Variants in PAK5 observed in about 807,000 individuals in gnomAD.
PAK5 encodes p21 (RAC1) activated kinase 5.
A neutral mutation model predicts 65.9 loss-of-function variants in PAK5; 16 were observed. The ratio of observed to expected loss-of-function variants is 0.24; its 90% CI spans 0.16 to 0.37. The LOEUF (loss-of-function observed/expected upper bound fraction) is 0.37, where lower values mean the gene tolerates loss of function less well. PAK5 is among the 10% of genes least tolerant of loss of function. The probability of loss-of-function intolerance (pLI) is 1.00; values close to 1 mark genes in which losing one functional copy is unlikely to be tolerated. For missense variants in PAK5, 785 were observed against 903.9 expected (o/e 0.87, Z 1.69); for synonymous variants, 371 against 354.9 (o/e 1.05, Z -0.51).
chr20:9,571,899 A>T (rs1452765534), intron 4 of PAK5, among the ~76,000 whole-genome samples: 1 of 71,340 alleles, frequency 1.4e-5, no homozygotes, highest in Admixed American at 1.6e-4. Flanking sequence ...TGGTCTTAAC[A>T]GGGGCGGGCA....
At chr20:9,548,293 C>T (rs2045374713) in intron 7 of PAK5, among the ~76,000 whole-genome samples, 1 of 151,996 alleles carries the variant, frequency 6.6e-6, no homozygotes, top group African/African-American at 2.4e-5. Context: ...GCATATTCAA[C>T]TCTTAGGTAT....
chr20:9,691,260 G>T (rs539515122), intron 2 of PAK5, among the ~76,000 whole-genome samples: 1 of 152,148 alleles, frequency 6.6e-6, no homozygotes, highest in Non-Finnish European at 1.5e-5. Flanking sequence ...AACCCATAGA[G>T]TCCCAACAGA....
chr20:9,629,302 T>C (rs974239365), intron 3 of PAK5, among the ~76,000 whole-genome samples: 15 of 152,212 alleles, frequency 9.9e-5, no homozygotes, highest in Non-Finnish European at 2.1e-4. Flanking sequence ...AGAAAACTAG[T>C]ATAGCTTTTG....
intron 2 of PAK5, among the ~76,000 whole-genome samples, chr20:9,672,429 G>A (rs984982591): frequency 6.6e-6 from 1 of 150,770 alleles, no homozygotes; most frequent in African/African-American, 2.4e-5. Context: ...ATGGGAGGAA[G>A]CCTGTGGGAG....
chr20:9,810,034 T>G (rs2049280001), intron 1 of PAK5, among the ~76,000 whole-genome samples: 1 of 152,178 alleles, frequency 6.6e-6, no homozygotes. Context: ...GACTCATTCC[T>G]TTCATTTTAC....
At chr20:9,675,065 T>C (rs1429770105) in intron 2 of PAK5, among the ~76,000 whole-genome samples, 1 of 152,178 alleles carries the variant, frequency 6.6e-6, no homozygotes, top group South Asian at 2.1e-4. Flanking sequence ...GAACTCTGGC[T>C]CCTGAGGAAA....
chr20:9,836,388 C>T (rs371952479), intron 1 of PAK5, among the ~76,000 whole-genome samples: 206 of 152,066 alleles, frequency 1.4e-3, no homozygotes, highest in African/African-American at 4.7e-3. Flanking sequence ...GAATGATGTC[C>T]GTATAAGAAA....
chr20:9,636,541 C>T (rs974676227), intron 3 of PAK5, among the ~76,000 whole-genome samples: 6 of 152,086 alleles, frequency 3.9e-5, no homozygotes, highest in Non-Finnish European at 5.9e-5. Flanking sequence ...TAAGTCAGAG[C>T]CAGCTTTGTA....
chr20:9,745,819 T>C (rs1348082344), intron 1 of PAK5, among the ~76,000 whole-genome samples: 2 of 151,774 alleles, frequency 1.3e-5, no homozygotes, highest in Non-Finnish European at 2.9e-5. Context: ...CTAAATCCTC[T>C]AAATCTGAAA....
chr20:9,757,096 G>A (rs371079501), intron 1 of PAK5, among the ~76,000 whole-genome samples: 3 of 151,912 alleles, frequency 2.0e-5, no homozygotes, highest in East Asian at 1.9e-4. Flanking sequence ...ACTTTTCACC[G>A]AATTCTTTCC....
intron 2 of PAK5, among the ~76,000 whole-genome samples, chr20:9,694,248 G>C (rs1275291705): frequency 1.3e-5 from 2 of 151,824 alleles, no homozygotes; most frequent in African/African-American, 4.8e-5. Context: ...TAAAACGAAA[G>C]TCTATATTAT....
intron 2 of PAK5, among the ~76,000 whole-genome samples, chr20:9,663,816 G>T (rs2047377780): frequency 6.6e-6 from 1 of 152,070 alleles, no homozygotes; most frequent in Non-Finnish European, 1.5e-5. Context: ...GTGCTTAAAG[G>T]TATTGCTTTA....
chr20:9,659,049 T>C (rs945380451), intron 2 of PAK5, among the ~76,000 whole-genome samples: 2 of 152,204 alleles, frequency 1.3e-5, no homozygotes, highest in African/African-American at 4.8e-5. Context: ...TTTAGAAGTC[T>C]TTGCAACAGT....
At chr20:9,788,226 C>A (rs1251135485) in intron 1 of PAK5, among the ~76,000 whole-genome samples, 2 of 151,954 alleles carry the variant, frequency 1.3e-5, no homozygotes, top group Non-Finnish European at 2.9e-5. Context: ...GACATCTCAA[C>A]CAGGGAAGCA....
chr20:9,557,163 C>T (rs755898638), intron 7 of PAK5, among the ~76,000 whole-genome samples: 10 of 152,256 alleles, frequency 6.6e-5, no homozygotes, highest in Admixed American at 3.3e-4. Context: ...CATCTGCCCA[C>T]GCTTTTGTAA....
intron 2 of PAK5, among the ~76,000 whole-genome samples, chr20:9,677,619 T>C (rs959063606): frequency 2.8e-4 from 43 of 152,230 alleles, no homozygotes; most frequent in African/African-American, 9.9e-4. Context: ...TGTGTGTTCT[T>C]AACCTCATCC....
At chr20:9,833,581 A>G (rs1051446444) in intron 1 of PAK5, among the ~76,000 whole-genome samples, 11 of 150,616 alleles carry the variant, frequency 7.3e-5, no homozygotes, top group African/African-American at 2.7e-4. Context: ...ACCACCTCCC[A>G]TCTTACCACC....
chr20:9,772,688 T>C (rs1375241713), intron 1 of PAK5, among the ~76,000 whole-genome samples: 2 of 152,380 alleles, frequency 1.3e-5, no homozygotes. Flanking sequence ...TTGGTGGATG[T>C]GGTTAATGTG....
At chr20:9,620,381 G>C (rs2046747082) in intron 3 of PAK5, among the ~76,000 whole-genome samples, 1 of 152,218 alleles carries the variant, frequency 6.6e-6, no homozygotes, top group South Asian at 2.1e-4. Context: ...AAAGCAGGAG[G>C]AGGATTCTGG....
Sources: gnomAD v4.1 joint callset for allele counts (sites outside exome capture counted in the v4.1 genomes callset) on GRCh38, gnomAD v4.1.1 for gene constraint, MANE v1.5 for transcripts, NCBI Gene and HGNC (gene_info 2026-07-23, HGNC 2026-07-21) for gene names.